Variants in NOS1AP observed in about 807,000 individuals in gnomAD.
The protein encoded by NOS1AP is carboxyl-terminal PDZ ligand of neuronal nitric oxide synthase protein.
Under a neutral mutation model 56.2 loss-of-function variants are expected in NOS1AP, and 21 were observed. The ratio of observed to expected loss-of-function variants is 0.37; its 90% CI spans 0.26 to 0.54. The LOEUF (loss-of-function observed/expected upper bound fraction) is 0.54. Ranked by LOEUF, NOS1AP falls within the 20% of genes least tolerant of loss-of-function variation. The probability of loss-of-function intolerance (pLI) is 0.84; values close to 1 mark genes in which losing one functional copy is unlikely to be tolerated. For synonymous variants in NOS1AP, 270 were observed against 274.6 expected, an observed-to-expected ratio of 0.98 and a Z score of 0.17; for missense variants, 522 against 657.8, an observed-to-expected ratio of 0.79 and a Z score of 2.26.
At chr1:162,174,985 A>G (rs1387555435) in intron 2 of NOS1AP, among the ~76,000 whole-genome samples, 1 of 152,190 alleles carries the variant, frequency 6.6e-6, no homozygotes, top group Non-Finnish European at 1.5e-5. Context: ...CTCATGGTTA[A>G]TATGTTTTTG....
intron 2 of NOS1AP, among the ~76,000 whole-genome samples, chr1:162,206,127 A>T (rs570410494): frequency 6.6e-6 from 1 of 152,334 alleles, no homozygotes; most frequent in East Asian, 1.9e-4. Flanking sequence ...AAGAACAGGG[A>T]AAAGAGGAAA....
At chr1:162,312,932 C>G (rs561474592) in intron 4 of NOS1AP, among the ~76,000 whole-genome samples, 12 of 151,548 alleles carry the variant, frequency 7.9e-5, no homozygotes, top group South Asian at 2.1e-4. Flanking sequence ...ATTCAACAAC[C>G]CTTCATGCTA....
rs143080118 is a variant in NOS1AP, at chr1:162,225,661, G to A, written c.178-61683G>A. ...CTTAAAGTTTTTCTCTGTCACAGAT[G>A]CAACTAACCCAGGTAAGGCTGTCAG... On this transcript the variant is annotated intron_variant, in intron 2 of 9. Transcript: ENST00000361897. Among the ~76,000 whole-genome samples, 485 of 152,300 alleles carry A rather than the reference G, an allele frequency of 3.2e-3. 5 individuals carry two copies. Among genetic ancestry groups the A allele is most frequent in the African/African-American group, 0.011 (449 of 41,564 alleles).
intron 2 of NOS1AP, among the ~76,000 whole-genome samples, chr1:162,268,412 T>C (rs1193675336): frequency 1.3e-5 from 2 of 152,214 alleles, no homozygotes; most frequent in East Asian, 3.8e-4. Context: ...TGTGAAGGTT[T>C]CTGCAACTAG....
chr1:162,278,664 C>CGT (rs57058985), intron 2 of NOS1AP, among the ~76,000 whole-genome samples: 3,689 of 143,034 alleles, frequency 0.026, 46 homozygotes, highest in South Asian at 0.045. Flanking sequence ...ACTCCTTCTA[C>CGT]GTGTGTGTGT....
intron 1 of NOS1AP, among the ~76,000 whole-genome samples, chr1:162,090,369 TA>T (rs35839449): frequency 6.1e-4 from 89 of 146,886 alleles, no homozygotes; most frequent in East Asian, 1.6e-3. Flanking sequence ...TTATCTTTTG[TA>T]AAAAAAAAAA....
rs140194988 is a variant in NOS1AP, at chr1:162,369,829, G to A, written c.*2362G>A. The A allele has an allele frequency of 3.3e-5, 5 of 152,308 alleles. No individual in the cohort carries two copies. Among genetic ancestry groups the A allele is most frequent in the Admixed American group, 1.3e-4 (2 of 15,304 alleles). The allele number at this position is 152,308 out of a possible 1,614,324, so 9.4% of individuals were successfully genotyped here. ...ACCCAAACCAGCGCATACTTGGTGT[G>A]TGGAGATGGGAGACAAAGGACAGAT... On this transcript the variant is annotated 3_prime_UTR_variant, in exon 10 of 10. Coordinates refer to ENST00000361897, the MANE Select transcript of NOS1AP (RefSeq NM_014697.3).
chr1:162,263,074 C>G (rs577340416), intron 2 of NOS1AP, among the ~76,000 whole-genome samples: 1 of 152,286 alleles, frequency 6.6e-6, no homozygotes, highest in African/African-American at 2.4e-5. Context: ...GTTATCATCT[C>G]CTAATTTTTT....
intron 1 of NOS1AP, among the ~76,000 whole-genome samples, chr1:162,090,546 C>T (rs1003014010): frequency 5.9e-5 from 9 of 152,150 alleles, no homozygotes; most frequent in African/African-American, 1.9e-4. Context: ...TTTGTTCTTC[C>T]GGAACCACTC....
At chr1:162,122,433 A>G (rs971671298) in intron 1 of NOS1AP, among the ~76,000 whole-genome samples, 2 of 152,172 alleles carry the variant, frequency 1.3e-5, no homozygotes, top group Non-Finnish European at 2.9e-5. Context: ...TCTTTGGGAG[A>G]TATATCATAA....
chr1:162,247,722 T>C (rs1395491825), intron 2 of NOS1AP, among the ~76,000 whole-genome samples: 3 of 152,144 alleles, frequency 2.0e-5, no homozygotes, highest in Non-Finnish European at 4.4e-5. Flanking sequence ...CTTCCATACC[T>C]ACTGTGCCAG....
At chr1:162,311,142 C>G (rs905706916) in intron 4 of NOS1AP, among the ~76,000 whole-genome samples, 5 of 152,110 alleles carry the variant, frequency 3.3e-5, no homozygotes, top group Admixed American at 2.6e-4. Flanking sequence ...CCTGGCCTTG[C>G]TTTCCACCAC....
chr1:162,247,116 T>A (rs781045252), intron 2 of NOS1AP, among the ~76,000 whole-genome samples: 4 of 152,148 alleles, frequency 2.6e-5, no homozygotes, highest in Non-Finnish European at 5.9e-5. Context: ...GAAACCTGTA[T>A]ATATAGAGTG....
At chr1:162,076,253 A>G (rs747802597) in intron 1 of NOS1AP, among the ~76,000 whole-genome samples, 22 of 152,194 alleles carry the variant, frequency 1.4e-4, no homozygotes, top group Non-Finnish European at 1.9e-4. Flanking sequence ...GCCTGGGACC[A>G]TGCCCATGGC....
intron 1 of NOS1AP, among the ~76,000 whole-genome samples, chr1:162,081,757 T>TAC (rs1478693052): frequency 0.017 from 1,023 of 61,092 alleles, 28 homozygotes; most frequent in African/African-American, 0.05. Flanking sequence ...TATCTATAGA[T>TAC]ATATATATAT....
chr1:162,303,127 G>C (rs1463660768), intron 4 of NOS1AP, among the ~76,000 whole-genome samples: 1 of 152,156 alleles, frequency 6.6e-6, no homozygotes, highest in East Asian at 1.9e-4. Flanking sequence ...AAGGATCTAT[G>C]AATGTTTGTG....
At chr1:162,166,203 G>A (rs1042013433) in intron 2 of NOS1AP, among the ~76,000 whole-genome samples, 11 of 152,058 alleles carry the variant, frequency 7.2e-5, no homozygotes, top group African/African-American at 2.4e-4. Flanking sequence ...CATGCCTTTG[G>A]CTGTGCCCTC....
intron 4 of NOS1AP, among the ~76,000 whole-genome samples, chr1:162,302,774 C>CT (rs1238111375): frequency 6.6e-6 from 1 of 152,194 alleles, no homozygotes; most frequent in Admixed American, 6.5e-5. Context: ...TTTCCTTGTG[C>CT]TTTTTGTAAC....
At chr1:162,233,202 C>CA (rs1200245390) in intron 2 of NOS1AP, among the ~76,000 whole-genome samples, 5 of 152,194 alleles carry the variant, frequency 3.3e-5, no homozygotes, top group Non-Finnish European at 5.9e-5. Flanking sequence ...CCAGGGATTA[C>CA]ACTTTGAGAA....
Sources: allele counts gnomAD v4.1 joint callset (sites outside exome capture counted in the v4.1 genomes callset), GRCh38; gene constraint gnomAD v4.1.1; transcripts MANE v1.5; gene names NCBI Gene and HGNC (gene_info 2026-07-23, HGNC 2026-07-21).